CXCL13: variants seen among roughly 807,000 people sequenced by gnomAD.
The protein encoded by CXCL13 is C-X-C motif chemokine 13.
Under a neutral mutation model 12.2 loss-of-function variants are expected in CXCL13, and 7 were observed. The ratio of observed to expected loss-of-function variants is 0.57; its 90% CI spans 0.33 to 1.07. The LOEUF is 1.07. CXCL13 is among the 50% of genes least tolerant of loss of function. The pLI is 0.04. For missense variants in CXCL13, 113 were observed against 127.4 expected (o/e 0.89, Z 0.55); for synonymous variants, 47 against 42.4 (o/e 1.11, Z -0.42).
At chr4:77,606,027 A>G (rs978617295) in intron 1 of CXCL13, 98 bp downstream of exon 1, 1 of 734,252 alleles carries the variant, frequency 1.4e-6, no homozygotes, top group Non-Finnish European at 2.2e-6. Context: ...AAGTCTGACT[A>G]AAGGGGGAAA....
chr4:77,571,515 CTG>C (rs1726079096), intron 1 of CXCL13, among the ~76,000 whole-genome samples: 1 of 151,828 alleles, frequency 6.6e-6, no homozygotes, highest in Non-Finnish European at 1.5e-5. Context: ...AATCGACACT[CTG>C]TATCTAGCTG....
At chr4:77,544,710 G>C in intron 1 of CXCL13, among the ~76,000 whole-genome samples, 1 of 152,208 alleles carries the variant, frequency 6.6e-6, no homozygotes, top group East Asian at 1.9e-4. Flanking sequence ...TGTTCACTCT[G>C]ATGGTAGTTT....
intron 1 of CXCL13, among the ~76,000 whole-genome samples, chr4:77,546,522 A>G (rs1171751806): frequency 2.0e-5 from 3 of 152,180 alleles, no homozygotes; most frequent in East Asian, 3.9e-4. Context: ...CAGATTTTCT[A>G]GTTTATTTGT....
At chr4:77,578,512 C>T (rs2109822834) in intron 1 of CXCL13, among the ~76,000 whole-genome samples, 1 of 152,288 alleles carries the variant, frequency 6.6e-6, no homozygotes, top group South Asian at 2.1e-4. Context: ...CTCTGAGCCA[C>T]CTGTGCACTG....
intron 1 of CXCL13, among the ~76,000 whole-genome samples, chr4:77,530,401 G>T (rs995984788): frequency 6.6e-6 from 1 of 152,074 alleles, no homozygotes; most frequent in Non-Finnish European, 1.5e-5. Context: ...GAATCCATCT[G>T]GTCCTGGACT....
intron 1 of CXCL13, among the ~76,000 whole-genome samples, chr4:77,558,126 T>C (rs1725708794): frequency 1.3e-5 from 2 of 152,314 alleles, no homozygotes; most frequent in South Asian, 2.1e-4. Context: ...CTATCTATAC[T>C]CTTCTAGTTC....
Position 77,559,923 on chromosome 4 carries a change from A to C in CXCL13, c.-42-45901A>C, listed in dbSNP as rs1432314909. 2.0e-5 allele frequency among the ~76,000 whole-genome samples: 3 copies of C among 146,838 alleles called. No homozygotes were observed. In the South Asian group the frequency reaches 6.5e-4, roughly 32 times the overall value. ...GGTGAGAGAGCGAGACTCCATCACA[A>C]AAAAAAAAAAAAAAAAACCTGACGC... On this transcript the variant is annotated intron_variant, in intron 1 of 4. Transcript: ENST00000286758.
At chr4:77,520,670 A>G (rs1170355123) in intron 1 of CXCL13, among the ~76,000 whole-genome samples, 1 of 152,198 alleles carries the variant, frequency 6.6e-6, no homozygotes, top group Non-Finnish European at 1.5e-5. Flanking sequence ...AACAGGGACA[A>G]TGTGACTTCC....
At chr4:77,535,013 C>G (rs962744248) in intron 1 of CXCL13, among the ~76,000 whole-genome samples, 1 of 152,194 alleles carries the variant, frequency 6.6e-6, no homozygotes, top group African/African-American at 2.4e-5. Flanking sequence ...AGCAAGATTA[C>G]TGGAATTACA....
intron 1 of CXCL13, among the ~76,000 whole-genome samples, chr4:77,588,106 T>C (rs1412093250): frequency 1.1e-4 from 14 of 127,788 alleles, no homozygotes; most frequent in Non-Finnish European, 3.0e-5. Context: ...ATATCTTGAA[T>C]TTTTTTCTTT....
At chr4:77,517,967 A>G (rs760491195) in intron 1 of CXCL13, among the ~76,000 whole-genome samples, 1 of 152,132 alleles carries the variant, frequency 6.6e-6, no homozygotes, top group African/African-American at 2.4e-5. Flanking sequence ...TTCCACGTTT[A>G]GTGCTTCCTT....
chr4:77,541,169 C>T (rs1460598290), intron 1 of CXCL13, among the ~76,000 whole-genome samples: 2 of 152,100 alleles, frequency 1.3e-5, no homozygotes, highest in East Asian at 3.9e-4. Context: ...TTGTTGGATG[C>T]ACAGTTTGTG....
chr4:77,535,249 A>G (rs979050780), intron 1 of CXCL13, among the ~76,000 whole-genome samples: 2 of 152,180 alleles, frequency 1.3e-5, no homozygotes, highest in Non-Finnish European at 2.9e-5. Context: ...TCATTCATTC[A>G]TTCATTTATA....
intron 1 of CXCL13, among the ~76,000 whole-genome samples, chr4:77,523,064 C>T (rs928680433): frequency 6.6e-6 from 1 of 152,194 alleles, no homozygotes; most frequent in African/African-American, 2.4e-5. Flanking sequence ...TGTAGAGTTT[C>T]TGCTGAGAGA....
intron 1 of CXCL13, among the ~76,000 whole-genome samples, chr4:77,576,856 A>T (rs1333484319): frequency 6.6e-6 from 1 of 152,230 alleles, no homozygotes; most frequent in African/African-American, 2.4e-5. Flanking sequence ...CCGTCCTATC[A>T]TGATTTGTTT....
chr4:77,606,459 T>C (rs1038264091), intron 1 of CXCL13, among the ~76,000 whole-genome samples: 7 of 152,348 alleles, frequency 4.6e-5, no homozygotes, highest in South Asian at 4.1e-4. Flanking sequence ...TTTGTGTCAA[T>C]AGATAAATAT....
chr4:77,567,327 C>T (rs1267849363), intron 1 of CXCL13, among the ~76,000 whole-genome samples: 1 of 152,240 alleles, frequency 6.6e-6, no homozygotes, highest in African/African-American at 2.4e-5. Flanking sequence ...TTACTGCTCA[C>T]ACAATGCCTA....
chr4:77,518,976 G>A (rs1333930887), intron 1 of CXCL13, among the ~76,000 whole-genome samples: 1 of 152,114 alleles, frequency 6.6e-6, no homozygotes, highest in Non-Finnish European at 1.5e-5. Context: ...TTTTGGTGTG[G>A]ATGTCCTTTC....
chr4:77,534,479 A>G (rs1022620223), intron 1 of CXCL13, among the ~76,000 whole-genome samples: 8 of 152,256 alleles, frequency 5.3e-5, no homozygotes, highest in Admixed American at 4.6e-4. Context: ...AGTGAAATAA[A>G]CAATTTAAAC....
Sources: gnomAD v4.1 joint callset for allele counts (sites outside exome capture counted in the v4.1 genomes callset) on GRCh38, gnomAD v4.1.1 for gene constraint, MANE v1.5 for transcripts, NCBI Gene and HGNC (gene_info 2026-07-23, HGNC 2026-07-21) for gene names.